The following ASH1L variants were observed in gnomAD, a reference collection of about 807,000 sequenced individuals.
The protein encoded by ASH1L is ASH1 like histone lysine methyltransferase.
ASH1L carries 23 observed loss-of-function variants against 269.0 expected under a neutral mutation model. The ratio of observed to expected loss-of-function variants is 0.09; its 90% CI spans 0.06 to 0.12. ASH1L has a LOEUF of 0.12. Ranked by LOEUF, ASH1L falls within the 10% of genes least tolerant of loss-of-function variation. ASH1L has a pLI of 1.00. For missense variants in ASH1L, 2,912 were observed against 3,567.8 expected, an observed-to-expected ratio of 0.82 and a Z score of 4.68; for synonymous variants, 1,187 against 1,253.5, an observed-to-expected ratio of 0.95 and a Z score of 1.12.
intron 5 of ASH1L, among the ~76,000 whole-genome samples, chr1:155,436,782 A>T (rs1662134045): frequency 6.6e-6 from 1 of 152,152 alleles, no homozygotes; most frequent in South Asian, 2.1e-4. Context: ...GGCGTGAGCC[A>T]CCACGCCTGG....
At chr1:155,415,604 G>A in intron 6 of ASH1L, 140 bp downstream of exon 6, 1 of 905,502 alleles carries the variant, frequency 1.1e-6, no homozygotes, top group Non-Finnish European at 1.7e-6. Context: ...TTTGAGGGAG[G>A]CGTACCTCAT....
At chr1:155,450,304 G>T (rs1663369043) in intron 4 of ASH1L, among the ~76,000 whole-genome samples, 1 of 152,108 alleles carries the variant, frequency 6.6e-6, no homozygotes, top group South Asian at 2.1e-4. Flanking sequence ...TCCTACGTGG[G>T]ATTCGTAGAG....
At chr1:155,519,720 G>C (rs911027613) in intron 2 of ASH1L, among the ~76,000 whole-genome samples, 13 of 151,986 alleles carry the variant, frequency 8.6e-5, no homozygotes, top group Admixed American at 2.0e-4. Context: ...GTGCAGTGGC[G>C]CAACCTGAGC....
intron 2 of ASH1L, among the ~76,000 whole-genome samples, chr1:155,513,540 C>T (rs1339560842): frequency 6.7e-6 from 1 of 149,298 alleles, no homozygotes; most frequent in Non-Finnish European, 1.5e-5. Flanking sequence ...CACTGCACTC[C>T]AGCCAGGGCA....
At chr1:155,424,191 AAGGTTTAT>A (rs1384889763) in intron 5 of ASH1L, among the ~76,000 whole-genome samples, 1 of 152,154 alleles carries the variant, frequency 6.6e-6, no homozygotes, top group Non-Finnish European at 1.5e-5. Context: ...AGGGTCATTC[AAGGTTTAT>A]GGAATCGTAG....
chr1:155,459,408 G>A (rs1664125013), intron 4 of ASH1L, among the ~76,000 whole-genome samples: 2 of 152,014 alleles, frequency 1.3e-5, no homozygotes, highest in African/African-American at 2.4e-5. Flanking sequence ...GTTGAACAGG[G>A]TGGTCTCGAA....
intron 1 of ASH1L, among the ~76,000 whole-genome samples, chr1:155,527,189 CAG>C (rs1669320927): frequency 6.6e-6 from 1 of 151,822 alleles, no homozygotes; most frequent in Non-Finnish European, 1.5e-5. Context: ...GCCTAGGTGA[CAG>C]AGCGAGACTC....
chr1:155,562,846 T>TTCC, upstream of ASH1L: 1 of 307,102 alleles, frequency 3.3e-6, no homozygotes, highest in Non-Finnish European at 6.4e-6. Flanking sequence ...TCCCCCCCCT[T>TTCC]CCCCGCCCCC....
In ASH1L at chr1:155,348,947, T is replaced by C. The variant is rs28491236; in HGVS notation, c.7554+380A>G. On this transcript the variant is annotated intron_variant, in intron 19 of 27. Coordinates refer to ENST00000392403, the MANE Select transcript of ASH1L (RefSeq NM_018489.3). ...ACACACACACACACACACACACACA[T>C]ATAAACATTTACCTATGCATATTTC... Among the ~76,000 whole-genome samples, 1,126 of 138,774 alleles carry C rather than the reference T, an allele frequency of 8.1e-3. 16 individuals are homozygous for C. Among genetic ancestry groups the C allele is most frequent in the African/African-American group, 0.027 (1,002 of 37,570 alleles). The allele number at this position is 138,774 out of a possible 152,430, so 91.0% of individuals were successfully genotyped here.
At chr1:155,401,363 A>G (rs1195909994) in intron 6 of ASH1L, among the ~76,000 whole-genome samples, 1 of 151,850 alleles carries the variant, frequency 6.6e-6, no homozygotes, top group African/African-American at 2.4e-5. Flanking sequence ...CTGTAATCCC[A>G]GCTACTCAAG....
intron 24 of ASH1L, 133 bp from the exon 25 acceptor site, chr1:155,342,235 G>A: frequency 2.7e-6 from 2 of 752,184 alleles, no homozygotes; most frequent in South Asian, 1.9e-5. Flanking sequence ...TAGAGAGGCA[G>A]GACAACTAAG....
At chr1:155,421,947 T>C (rs977860957) in intron 5 of ASH1L, among the ~76,000 whole-genome samples, 1 of 152,096 alleles carries the variant, frequency 6.6e-6, no homozygotes, top group Non-Finnish European at 1.5e-5. Context: ...ATCACCAGTA[T>C]CCATCCATCT....
At chr1:155,476,317 C>CTTGAACCCG (rs919682855) in intron 3 of ASH1L, among the ~76,000 whole-genome samples, 41 of 151,730 alleles carry the variant, frequency 2.7e-4, no homozygotes, top group Admixed American at 2.4e-3. Flanking sequence ...ACCCGGGAGG[C>CTTGAACCCG]GGAGGTTGCA....
chr1:155,436,491 C>CTTTTTTTT (rs60270333), intron 5 of ASH1L, among the ~76,000 whole-genome samples: 3 of 80,550 alleles, frequency 3.7e-5, no homozygotes, highest in Non-Finnish European at 7.0e-5. Context: ...CATGCGTGGA[C>CTTTTTTTT]TTTTTTTTTT....
intron 12 of ASH1L, among the ~76,000 whole-genome samples, chr1:155,368,720 G>A (rs1655660724): frequency 6.6e-6 from 1 of 152,172 alleles, no homozygotes; most frequent in African/African-American, 2.4e-5. Context: ...CTCCCAAAGT[G>A]CTGGGATTAT....
rs145980967 is a variant in ASH1L at position 155,344,887 on chromosome 1, G to A, written c.7891-614C>T. On this transcript the variant is annotated intron_variant, in intron 21 of 27. Coordinates refer to ENST00000392403, the MANE Select transcript of ASH1L (RefSeq NM_018489.3). ...TAAACCACTGTCTAACATAAATGACGTTAAGGGTACCAAGTTCTGGATTTT... is the reference window on the plus strand; with the variant it reads ...TAAACCACTGTCTAACATAAATGACATTAAGGGTACCAAGTTCTGGATTTT... 3.3e-3 allele frequency among the ~76,000 whole-genome samples: 496 copies of A among 152,238 alleles called. 1 individual carries two copies. Among genetic ancestry groups the A allele is most frequent in the South Asian group, 0.013 (65 of 4,820 alleles).
intron 2 of ASH1L, among the ~76,000 whole-genome samples, chr1:155,485,637 G>A (rs111881697): frequency 0.011 from 1,618 of 152,212 alleles, 39 homozygotes; most frequent in African/African-American, 0.038. Context: ...AGCAAAAAAC[G>A]TACAACTATA....
chr1:155,349,767 G>A (rs1325248194), intron 17 of ASH1L, among the ~76,000 whole-genome samples, 171 bp from the exon 18 acceptor site: 1 of 145,428 alleles, frequency 6.9e-6, no homozygotes, highest in African/African-American at 2.6e-5. Context: ...GCCCAGGCTG[G>A]TGTGCAATGG....
intron 6 of ASH1L, among the ~76,000 whole-genome samples, chr1:155,397,192 G>T (rs1164530003): frequency 1.3e-5 from 2 of 151,290 alleles, no homozygotes; most frequent in African/African-American, 4.9e-5. Flanking sequence ...ATTATATCCT[G>T]AATCAGTGTA....
Sources: allele counts gnomAD v4.1 joint callset (sites outside exome capture counted in the v4.1 genomes callset), GRCh38; gene constraint gnomAD v4.1.1; transcripts MANE v1.5; gene names NCBI Gene and HGNC (gene_info 2026-07-23, HGNC 2026-07-21).